The following TRPC5 variants were observed in gnomAD, a reference collection of about 807,000 sequenced individuals.
The protein encoded by TRPC5 is transient receptor potential cation channel subfamily C member 5.
A neutral mutation model predicts 56.5 loss-of-function variants in TRPC5; 9 were observed. The observed-to-expected ratio is 0.16, with a 90% CI of 0.10 to 0.28. The LOEUF (loss-of-function observed/expected upper bound fraction) is 0.28. TRPC5 is among the 10% of genes least tolerant of loss of function. The pLI is 1.00. For missense variants in TRPC5, 469 were observed against 748.9 expected (o/e 0.63, Z 4.36); for synonymous variants, 282 against 278.5 (o/e 1.01, Z -0.13).
chrX:111,844,703 G>A (rs188681954), intron 6 of TRPC5, among the ~76,000 whole-genome samples: 53 of 109,637 alleles, frequency 4.8e-4, no homozygotes, highest in East Asian at 1.8e-3. Flanking sequence ...GACCTCAGGT[G>A]ATCTGCCCAC....
At chrX:111,916,106 G>A (rs1925968552) in intron 2 of TRPC5, among the ~76,000 whole-genome samples, 2 of 111,437 alleles carry the variant, frequency 1.8e-5, no homozygotes, top group Admixed American at 1.9e-4. Flanking sequence ...TCCAGCCTGG[G>A]CAACAGAGTG....
At chrX:111,926,072 T>A (rs189370507) in intron 2 of TRPC5, among the ~76,000 whole-genome samples, 79 of 112,383 alleles carry the variant, frequency 7.0e-4, no homozygotes, top group African/African-American at 2.2e-3. Context: ...GGGAGCACTA[T>A]GGCCCTGGTT....
chrX:111,999,403 A>T (rs1352045385), intron 1 of TRPC5, among the ~76,000 whole-genome samples: 2 of 111,328 alleles, frequency 1.8e-5, no homozygotes, highest in Non-Finnish European at 3.8e-5. Context: ...TTCGCTTAAC[A>T]TAATGCCCTC....
At chrX:111,876,592 C>T (rs765587700) in intron 3 of TRPC5, among the ~76,000 whole-genome samples, 1 of 111,580 alleles carries the variant, frequency 9.0e-6, no homozygotes, top group Non-Finnish European at 1.9e-5. Context: ...CAGTTAAGAC[C>T]TAATGCCCTG....
At chrX:112,063,128 G>T (rs1930497139) in intron 1 of TRPC5, among the ~76,000 whole-genome samples, 1 of 111,657 alleles carries the variant, frequency 9.0e-6, no homozygotes, top group East Asian at 2.8e-4. Context: ...GTTTAATGAT[G>T]TCTTAGGCTG....
chrX:111,916,454 A>G (rs1925978769), intron 2 of TRPC5, among the ~76,000 whole-genome samples: 1 of 111,571 alleles, frequency 9.0e-6, no homozygotes, highest in African/African-American at 3.3e-5. Flanking sequence ...TGCTGTTTTT[A>G]TTCCTTCCCA....
At chrX:112,045,381 C>T (rs1035393000) in intron 1 of TRPC5, among the ~76,000 whole-genome samples, 2 of 111,509 alleles carry the variant, frequency 1.8e-5, no homozygotes, top group Admixed American at 9.5e-5. Context: ...AATGATTTTC[C>T]CCTAGAGCCT....
chrX:111,967,652 C>A (rs1050909166), intron 1 of TRPC5, among the ~76,000 whole-genome samples: 3 of 111,139 alleles, frequency 2.7e-5, no homozygotes, highest in African/African-American at 9.8e-5. Flanking sequence ...AGAACAGAGC[C>A]CTCAGAAATA....
At chrX:112,000,511 A>G (rs1341753529) in intron 1 of TRPC5, among the ~76,000 whole-genome samples, 1 of 112,074 alleles carries the variant, frequency 8.9e-6, no homozygotes, top group Non-Finnish European at 1.9e-5. Flanking sequence ...GGAGTCAAAC[A>G]GATGTGTGTT....
At chrX:112,015,619 G>C (rs748829609) in intron 1 of TRPC5, among the ~76,000 whole-genome samples, 220 of 111,361 alleles carry the variant, frequency 2.0e-3, no homozygotes, top group African/African-American at 6.7e-3. Flanking sequence ...GCGTCATCCG[G>C]TGCCCCTTAA....
chrX:111,847,526 G>A, intron 5 of TRPC5, 90 bp from the exon 6 acceptor site: 1 of 843,787 alleles, frequency 1.2e-6, no homozygotes. Flanking sequence ...CCCAAACAAA[G>A]CCACCAAAAT....
intron 3 of TRPC5, among the ~76,000 whole-genome samples, chrX:111,881,076 T>C (rs1162013627): frequency 1.8e-5 from 2 of 112,289 alleles, no homozygotes; most frequent in African/African-American, 6.5e-5. Flanking sequence ...AACCTGTAGA[T>C]TCACCTCCTG....
At chrX:111,866,168 T>G (rs1356920038) in intron 3 of TRPC5, among the ~76,000 whole-genome samples, 2 of 113,679 alleles carry the variant, frequency 1.8e-5, no homozygotes, top group Non-Finnish European at 3.7e-5. Context: ...AAAGCTAAAT[T>G]TCCCAGTATC....
chrX:112,041,278 A>G (rs1366347692), intron 1 of TRPC5, among the ~76,000 whole-genome samples: 1 of 112,174 alleles, frequency 8.9e-6, no homozygotes, highest in Non-Finnish European at 1.9e-5. Flanking sequence ...TGTCTTTTGT[A>G]TAAAGAAAAG....
At chrX:111,918,583 G>C (rs1926040409) in intron 2 of TRPC5, among the ~76,000 whole-genome samples, 1 of 110,861 alleles carries the variant, frequency 9.0e-6, no homozygotes, top group Non-Finnish European at 1.9e-5. Context: ...ATAGATTCAG[G>C]ATTGTGGTTT....
chrX:111,952,356 A>G lies in TRPC5; in HGVS notation c.65T>C (p.Ile22Thr), dbSNP rs1927113892. Residue 22 changes from isoleucine (I) to threonine (T), a missense_variant, in exon 2 of 11, where the codon ATT (isoleucine) becomes ACT (threonine). Physicochemically the swap from Ile to Thr is moderately conservative, Grantham distance 89 (BLOSUM62 -1). Coordinates refer to ENST00000262839, the MANE Select transcript of TRPC5 (RefSeq NM_012471.3). The stretch of plus-strand genomic sequence containing the variant: ...AGAGAGCTCTGTCTCAGCCCTCACA[A>G]TTTGCAGGGGGATGCGGTCTCTGTA... Reference protein sequence around the residue: ...SPYRDRIPLQIVRAETELSAE... With the variant: ...SPYRDRIPLQTVRAETELSAE... The G allele has an allele frequency of 1.7e-6, 2 of 1,211,407 alleles. No individual in the cohort carries two copies. Among genetic ancestry groups the G allele is most frequent in the Non-Finnish European group, 2.2e-6 (2 of 895,419 alleles).
intron 1 of TRPC5, among the ~76,000 whole-genome samples, chrX:112,078,179 T>A: frequency 8.9e-6 from 1 of 111,904 alleles, no homozygotes; most frequent in Non-Finnish European, 1.9e-5. Flanking sequence ...TAGACACATA[T>A]AATGTTTTCT....
At chrX:111,807,068 C>T (rs933732554) in intron 7 of TRPC5, among the ~76,000 whole-genome samples, 3 of 111,390 alleles carry the variant, frequency 2.7e-5, no homozygotes, top group Non-Finnish European at 3.8e-5. Flanking sequence ...GTTAAATCTG[C>T]TTGGTGTTCT....
intron 3 of TRPC5, among the ~76,000 whole-genome samples, chrX:111,859,970 G>A (rs1923347783): frequency 8.8e-6 from 1 of 113,080 alleles, no homozygotes; most frequent in East Asian, 2.8e-4. Flanking sequence ...GTGCAGGGGC[G>A]AGATCTCAGC....
Sources: gnomAD v4.1 joint callset for allele counts (sites outside exome capture counted in the v4.1 genomes callset) on GRCh38, gnomAD v4.1.1 for gene constraint, MANE v1.5 for transcripts, NCBI Gene and HGNC (gene_info 2026-07-23, HGNC 2026-07-21) for gene names.